Variants in TRIM66 observed in about 807,000 individuals in gnomAD.
TRIM66 encodes tripartite motif containing 66.
TRIM66 carries 99 observed loss-of-function variants against 148.2 expected under a neutral mutation model. The observed-to-expected ratio is 0.67, with a 90% confidence interval of 0.57 to 0.79. TRIM66 has a LOEUF of 0.79. TRIM66 is among the 30% of genes least tolerant of loss of function. The pLI is 0.00. For missense variants in TRIM66, 1,666 were observed against 1,697.9 expected, an observed-to-expected ratio of 0.98 and a Z score of 0.33; for synonymous variants, 616 against 635.9, an observed-to-expected ratio of 0.97 and a Z score of 0.47.
At chr11:8,619,580 G>A (rs1159577647) in intron 22 of TRIM66, 45 bp from the exon 23 acceptor site, 1 of 1,469,804 alleles carries the variant, frequency 6.8e-7, no homozygotes, top group Non-Finnish European at 9.0e-7. Flanking sequence ...GGGAGTGAGA[G>A]AAGAAATGGA....
intron 9 of TRIM66, 53 bp downstream of exon 9, chr11:8,648,363 G>A: frequency 2.0e-6 from 3 of 1,538,136 alleles, no homozygotes; most frequent in Non-Finnish European, 2.6e-6. Flanking sequence ...GCTCTCACAA[G>A]TAAGAAATCC....
chr11:8,672,617 CTCTTT>C (rs1488070741), intron 4 of TRIM66, among the ~76,000 whole-genome samples: 20 of 114,462 alleles, frequency 1.7e-4, no homozygotes, highest in South Asian at 1.6e-3. Context: ...GGACTCCAGT[CTCTTT>C]TTTTTTTTTT....
rs1278572389 is a variant in TRIM66, at chr11:8,640,690, T to C, written c.1685A>G (p.Gln562Arg). The change falls in exon 14 of 25, where the codon CAG becomes CGG. Residue 562 changes from glutamine (Q) to arginine (R), a missense_variant. Gln to Arg is a conservative substitution (Grantham distance 43). This residue lies in a region of TRIM66 where 1,431 missense variants were observed against 1,412.4 expected (regional missense o/e 1.01). Transcript: ENST00000646038. ...TSQPVCIVPP[Q>R]DVQQGAHAQP... ...GGCATGGGCTCCTTGCTGAACATCC[T>C]GTGGGGGGACAATGCACACGGGCTG... The C allele has an allele frequency of 1.3e-6, 2 of 1,551,574 alleles. No homozygotes were observed. The highest frequency in any genetic ancestry group is 1.7e-4 in the Middle Eastern group (1 of 5,988).
chr11:8,634,512 C>T (rs2035704468), intron 15 of TRIM66, among the ~76,000 whole-genome samples: 1 of 152,224 alleles, frequency 6.6e-6, no homozygotes, highest in Non-Finnish European at 1.5e-5. Flanking sequence ...CGGCAGTTGA[C>T]TGGTTCAGAA....
At chr11:8,620,348 C>A in intron 21 of TRIM66, 98 bp downstream of exon 21, 1 of 1,496,552 alleles carries the variant, frequency 6.7e-7, no homozygotes, top group South Asian at 1.3e-5. Flanking sequence ...GAAATGTATC[C>A]AGAAAAGCCC....
chr11:8,653,601 G>T (rs939394940), intron 6 of TRIM66, among the ~76,000 whole-genome samples: 14 of 152,036 alleles, frequency 9.2e-5, no homozygotes, highest in Admixed American at 7.9e-4. Flanking sequence ...CAAACCAGAA[G>T]AATTACCCAG....
chr11:8,619,017 A>G (rs769843409), intron 23 of TRIM66, 49 bp from the exon 24 acceptor site: 2 of 1,509,782 alleles, frequency 1.3e-6, no homozygotes, highest in Non-Finnish European at 1.8e-6. Context: ...CTACCAGTCC[A>G]TCTCTTTCGG....
intron 1 of TRIM66, among the ~76,000 whole-genome samples, chr11:8,680,380 T>G (rs931729247): frequency 6.6e-6 from 1 of 152,114 alleles, no homozygotes; most frequent in Admixed American, 6.5e-5. Flanking sequence ...GGAGGAGGGT[T>G]AGAATGCAGG....
intron 23 of TRIM66, 64 bp downstream of exon 23, chr11:8,619,319 A>G: frequency 7.4e-7 from 1 of 1,350,488 alleles, no homozygotes; most frequent in Non-Finnish European, 9.9e-7. Flanking sequence ...TCCCAACCCT[A>G]CCCACCCATG....
chr11:8,625,253 G>C, intron 15 of TRIM66, 25 bp from the exon 16 acceptor site: 3 of 1,468,474 alleles, frequency 2.0e-6, no homozygotes, highest in Non-Finnish European at 2.7e-6. Context: ...ACAAGGGGTA[G>C]AGTCAGGCTG....
Position 8,621,145 on chromosome 11 carries a change from C to T in TRIM66, c.3432G>A (p.Glu1144=). The change falls in exon 20 of 25, where the codon GAG becomes GAA. Residue 1144 remains glutamate (E), a synonymous_variant. Coordinates refer to ENST00000646038, the MANE Select transcript of TRIM66 (RefSeq NM_001388022.1). ...GAKKGPPAPI[E]NEDFCAVCLN... is the part of the protein sequence containing the mutation. Reference sequence around the variant, plus strand: ...GGCAAACAGCACAGAAGTCCTCATTCTCTATTGGGGCTGGGGGGCCCTTCT... The same window carrying T: ...GGCAAACAGCACAGAAGTCCTCATTTTCTATTGGGGCTGGGGGGCCCTTCT... 1 of 1,551,722 alleles carries T rather than the reference C, an allele frequency of 6.4e-7. No homozygotes were observed. The highest frequency in any genetic ancestry group is 8.7e-7 in the Non-Finnish European group (1 of 1,146,994).
Position 8,648,410 on chromosome 11 carries a change from C to T in TRIM66, c.725+6G>A. 6.4e-7 allele frequency: 1 copy of T among 1,551,098 alleles called. No individual in the cohort carries two copies. The highest frequency in any genetic ancestry group is 8.7e-7 in the Non-Finnish European group (1 of 1,146,888). On this transcript the variant is annotated splice_donor_region_variant and intron_variant, in intron 9 of 24. Transcript: ENST00000646038. ...CAGCCCATTTCAGGCAGTCTGTCAG[C>T]CCCACCTGTGTTCTTTGTGTTCCAC... is the stretch of plus-strand genomic sequence containing the variant.
In TRIM66 at chr11:8,674,877, C is replaced by T. The variant is rs2039105066; in HGVS notation, c.-183G>A. 6.6e-6 allele frequency: 1 copy of T among 152,208 alleles called. No homozygotes were observed. Among genetic ancestry groups the T allele is most frequent in the Non-Finnish European group, 1.5e-5 (1 of 68,036 alleles). The allele number at this position is 152,208 out of a possible 1,614,324, so 9.4% of individuals were successfully genotyped here. A position where few individuals can be genotyped will look rare whatever the true frequency, so the allele number is the denominator to read the frequency against. On this transcript the variant is annotated 5_prime_UTR_variant, in exon 4 of 25. It removes an upstream start codon present in the reference 5' UTR. Coordinates refer to ENST00000646038, the MANE Select transcript of TRIM66 (RefSeq NM_001388022.1). ...TGAGGAAAATCCAGTCTCACACAGA[C>T]ATACAGCTGGAAAAGATAGGAGTAC...
intron 6 of TRIM66, among the ~76,000 whole-genome samples, chr11:8,652,694 T>C (rs904250568): frequency 1.3e-5 from 2 of 152,170 alleles, no homozygotes; most frequent in Admixed American, 1.3e-4. Context: ...GCAGTCAACC[T>C]ACTAGGAACA....
chr11:8,648,723 G>T (rs2037084379), intron 8 of TRIM66, among the ~76,000 whole-genome samples, 175 bp from the exon 9 acceptor site: 1 of 152,206 alleles, frequency 6.6e-6, no homozygotes, highest in Non-Finnish European at 1.5e-5. Flanking sequence ...TTTGGGCTGA[G>T]CTTGGCTGGA....
At chr11:8,637,465 A>G (rs2035986859) in intron 15 of TRIM66, among the ~76,000 whole-genome samples, 1 of 152,234 alleles carries the variant, frequency 6.6e-6, no homozygotes, top group African/African-American at 2.4e-5. Context: ...AAGGGCCTCT[A>G]TGCCAAGTCA....
chr11:8,671,997 G>C lies in TRIM66; in HGVS notation c.129C>G (p.Ser43Arg), dbSNP rs1270690762. 3 of 1,536,088 alleles carry C rather than the reference G, an allele frequency of 2.0e-6. No homozygotes were observed. The highest frequency in any genetic ancestry group is 4.9e-5 in the East Asian group (2 of 40,924). ...GGCCAGCTAGTGGCAGCCCCATAAA[G>C]CTCATGCCCATGTCCACAGCCATGC... is the stretch of plus-strand genomic sequence containing the variant. ...GTGMAVDMGMSFMGLPLAGQK... is the reference protein window; with the variant it reads ...GTGMAVDMGMRFMGLPLAGQK... Residue 43 changes from serine to arginine, a missense_variant, in exon 6 of 25, where the codon AGC becomes AGG. By Grantham distance (110) the Ser-to-Arg change is moderately radical. Transcript: ENST00000646038.
chr11:8,660,200 T>C (rs1450075876), intron 6 of TRIM66, among the ~76,000 whole-genome samples: 2 of 152,116 alleles, frequency 1.3e-5, no homozygotes, highest in African/African-American at 4.8e-5. Flanking sequence ...CCTTCACAAT[T>C]TGGCCCTAAA....
chr11:8,641,077 G>A lies in TRIM66; in HGVS notation c.1298C>T (p.Pro433Leu), dbSNP rs778361594. ...TGGAGACTGGTGGCTTTGATAAAAG[G>A]GTGATGACCCCTGTAAGCCTCCATA... ...PAYGGLQGSS[P>L]FYQSHQSPVA... is the part of the protein sequence containing the mutation. The change falls in exon 14 of 25, where the codon CCC becomes CTC. Residue 433 changes from proline to leucine, a missense_variant. Pro to Leu is a moderately conservative substitution (Grantham distance 98). Around this residue, in one of 3 missense-constraint regions of TRIM66, gnomAD observed 1,431 missense variants for 1,412.4 expected, o/e 1.01. Transcript: ENST00000646038. The A allele has an allele frequency of 2.2e-5, 34 of 1,551,598 alleles. No individual in the cohort carries two copies. The highest frequency in any genetic ancestry group is 3.0e-5 in the Non-Finnish European group (34 of 1,147,002).
Sources: gnomAD v4.1 joint callset for allele counts (sites outside exome capture counted in the v4.1 genomes callset) on GRCh38, gnomAD v4.1.1 for gene constraint, gnomAD v4.1.1 regional missense constraint, MANE v1.5 for transcripts, NCBI Gene and HGNC (gene_info 2026-07-23, HGNC 2026-07-21) for gene names.